SPATA6: variants seen among roughly 807,000 people sequenced by gnomAD.
The protein encoded by SPATA6 is spermatogenesis associated 6, also known as spermatogenesis-associated protein 6.
SPATA6 carries 56 observed loss-of-function variants against 65.3 expected under a neutral mutation model. The ratio of observed to expected loss-of-function variants is 0.86; its 90% CI spans 0.69 to 1.07. SPATA6 has a LOEUF of 1.07. Ranked by LOEUF, SPATA6 falls within the 50% of genes least tolerant of loss-of-function variation. The pLI is 0.00. For synonymous variants in SPATA6, 199 were observed against 213.2 expected (o/e 0.93, Z 0.58); for missense variants, 590 against 594.8 (o/e 0.99, Z 0.08).
chr1:48,409,841 C>A (rs1050325900), intron 5 of SPATA6, among the ~76,000 whole-genome samples: 6 of 152,202 alleles, frequency 3.9e-5, no homozygotes, highest in African/African-American at 1.2e-4. Context: ...CTAGGCTGCA[C>A]ACAGCACAGG....
chr1:48,276,031 A>G, the SPATA6 span, among the ~76,000 whole-genome samples: 1 of 152,074 alleles, frequency 6.6e-6, no homozygotes, highest in Non-Finnish European at 1.5e-5. Context: ...TGGTCTATTC[A>G]GGGATTCGAC....
chr1:48,446,629 T>C (rs776675739), intron 3 of SPATA6, among the ~76,000 whole-genome samples: 28 of 152,184 alleles, frequency 1.8e-4, no homozygotes, highest in Non-Finnish European at 3.1e-4. Flanking sequence ...GGAAAGAAGA[T>C]TGAATTTGGT....
At chr1:48,339,519 G>A (rs1646149580) in intron 11 of SPATA6, among the ~76,000 whole-genome samples, 1 of 151,784 alleles carries the variant, frequency 6.6e-6, no homozygotes, top group Non-Finnish European at 1.5e-5. Context: ...CAAGAAAATA[G>A]GTGAAAAGTT....
intron 3 of SPATA6, among the ~76,000 whole-genome samples, chr1:48,445,994 A>C (rs1307853993): frequency 6.6e-6 from 1 of 152,210 alleles, no homozygotes; most frequent in Non-Finnish European, 1.5e-5. Flanking sequence ...GCTAGGTCCA[A>C]TTAGGAGAGA....
chr1:48,307,939 C>T (rs1645102428), intron 11 of SPATA6, among the ~76,000 whole-genome samples: 1 of 151,826 alleles, frequency 6.6e-6, no homozygotes, highest in African/African-American at 2.4e-5. Flanking sequence ...GAATGCTATG[C>T]TTTTGTTTTC....
chr1:48,465,310 T>A (rs546824264), intron 1 of SPATA6, among the ~76,000 whole-genome samples: 15 of 152,286 alleles, frequency 9.8e-5, no homozygotes, highest in Middle Eastern at 3.4e-3. Context: ...AGCACCGTTC[T>A]GCTGACACTT....
At chr1:48,405,635 A>T (rs1390081107) in intron 5 of SPATA6, among the ~76,000 whole-genome samples, 3 of 152,208 alleles carry the variant, frequency 2.0e-5, no homozygotes, top group Non-Finnish European at 4.4e-5. Context: ...ATGTGGTTCT[A>T]GTTAATCAAA....
the SPATA6 span, among the ~76,000 whole-genome samples, chr1:48,269,456 C>A: frequency 6.6e-6 from 1 of 152,112 alleles, no homozygotes; most frequent in Admixed American, 6.5e-5. Context: ...GTAGAACCAA[C>A]AGTACTGCCA....
intron 11 of SPATA6, among the ~76,000 whole-genome samples, chr1:48,346,677 C>G (rs780874792): frequency 6.6e-5 from 10 of 151,976 alleles, no homozygotes; most frequent in Non-Finnish European, 8.8e-5. Flanking sequence ...CAACAATAGT[C>G]AAGCTGAGGG....
At chr1:48,310,206 T>C (rs1168170504) in intron 11 of SPATA6, among the ~76,000 whole-genome samples, 3 of 152,216 alleles carry the variant, frequency 2.0e-5, no homozygotes, top group East Asian at 3.9e-4. Context: ...AAAAATGCCC[T>C]CCAGGGCAAA....
intron 9 of SPATA6, among the ~76,000 whole-genome samples, chr1:48,384,368 G>C (rs186711893): frequency 0.038 from 273 of 7,096 alleles, 14 homozygotes; most frequent in African/African-American, 0.11. Context: ...GGGAGAGGGA[G>C]AGGGAGAGGG....
chr1:48,444,029 A>G (rs1655767689), intron 3 of SPATA6, among the ~76,000 whole-genome samples: 1 of 152,140 alleles, frequency 6.6e-6, no homozygotes, highest in Admixed American at 6.5e-5. Context: ...ATCCAGCAGG[A>G]AGTAGCTAGA....
chr1:48,275,345 T>G, the SPATA6 span, among the ~76,000 whole-genome samples: 1 of 152,224 alleles, frequency 6.6e-6, no homozygotes, highest in Non-Finnish European at 1.5e-5. Flanking sequence ...TTCTCTTGCC[T>G]GATTGCCCTG....
chr1:48,399,588 G>C lies in SPATA6; in HGVS notation c.543C>G (p.Asn181Lys), dbSNP rs374246824. 6.8e-5 allele frequency: 109 copies of C among 1,611,274 alleles called. No individual in the cohort carries two copies. The highest frequency in any genetic ancestry group is 5.3e-4 in the South Asian group (48 of 90,704). ...PVEKSHGRLQ[N>K]RTSRSQKKKS... is the part of the protein sequence containing the mutation. The stretch of plus-strand genomic sequence containing the variant: ...TTTTCTTTTGTGATCTTGATGTTCT[G>C]TTTTGCAGTCTGCCATGTGATTTTT... The change falls in exon 7 of 13, where the codon AAC (asparagine) becomes AAG (lysine). Residue 181 changes from asparagine (N) to lysine (K), a missense_variant. Coordinates refer to ENST00000371847, the MANE Select transcript of SPATA6 (RefSeq NM_019073.4).
intron 9 of SPATA6, among the ~76,000 whole-genome samples, chr1:48,368,436 C>G (rs533131928): frequency 1.3e-5 from 2 of 152,338 alleles, no homozygotes; most frequent in Non-Finnish European, 2.9e-5. Flanking sequence ...GTACACCAAT[C>G]AGACGTAGAT....
intron 11 of SPATA6, among the ~76,000 whole-genome samples, chr1:48,306,169 T>C (rs574620769): frequency 6.6e-6 from 1 of 152,152 alleles, no homozygotes; most frequent in African/African-American, 2.4e-5. Context: ...TCCTGTGTCA[T>C]GATATGTAAA....
chr1:48,312,558 A>G (rs898201281), intron 11 of SPATA6, among the ~76,000 whole-genome samples: 1 of 152,222 alleles, frequency 6.6e-6, no homozygotes, highest in African/African-American at 2.4e-5. Flanking sequence ...CGTCACCATC[A>G]TCAAAGATCA....
At chr1:48,375,835 G>C (rs1557635490) in intron 9 of SPATA6, among the ~76,000 whole-genome samples, 2 of 152,064 alleles carry the variant, frequency 1.3e-5, no homozygotes. Flanking sequence ...GGATATTTTA[G>C]ACTTGCAATG....
Position 48,363,680 on chromosome 1 carries a change from G to A in SPATA6, c.910-3910C>T, listed in dbSNP as rs150836240. Among the ~76,000 whole-genome samples, 415 of 151,638 alleles carry A rather than the reference G, an allele frequency of 2.7e-3. 1 individual carries two copies. Among genetic ancestry groups the A allele is most frequent in the African/African-American group, 8.5e-3 (352 of 41,356 alleles). On this transcript the variant is annotated intron_variant, in intron 9 of 12. Coordinates refer to ENST00000371847, the MANE Select transcript of SPATA6 (RefSeq NM_019073.4). ...ATGCAATACTTTCAATATGGCAAAT[G>A]CTAAAATGAATCAAGATGAAAAAAT...
Sources: allele counts gnomAD v4.1 joint callset (sites outside exome capture counted in the v4.1 genomes callset), GRCh38; gene constraint gnomAD v4.1.1; transcripts MANE v1.5; gene names NCBI Gene and HGNC (gene_info 2026-07-23, HGNC 2026-07-21).